The following FSTL4 variants were observed in gnomAD, a reference collection of about 807,000 sequenced individuals.
FSTL4 encodes the protein follistatin like 4.
In FSTL4, 28 loss-of-function variants were observed where a neutral mutation model predicts 78.2. That is an observed-to-expected ratio of 0.36 (90% confidence interval 0.27 to 0.49). The LOEUF is 0.49. Ranked by LOEUF, FSTL4 falls within the 20% of genes least tolerant of loss-of-function variation. FSTL4 has a pLI of 0.98. For synonymous variants in FSTL4, 422 were observed against 440.5 expected, an observed-to-expected ratio of 0.96 and a Z score of 0.53; for missense variants, 922 against 1,084.9, an observed-to-expected ratio of 0.85 and a Z score of 2.11.
chr5:133,337,839 A>G (rs1401640500), intron 4 of FSTL4, among the ~76,000 whole-genome samples: 1 of 152,236 alleles, frequency 6.6e-6, no homozygotes, highest in Non-Finnish European at 1.5e-5. Flanking sequence ...TTAAAAAGTG[A>G]GCCAACTCAG....
chr5:133,322,720 T>C (rs567406480), intron 4 of FSTL4, among the ~76,000 whole-genome samples: 23 of 152,298 alleles, frequency 1.5e-4, no homozygotes, highest in African/African-American at 5.5e-4. Flanking sequence ...CACCTCCAGC[T>C]AGCAGTTCTG....
chr5:133,547,826 A>T (rs1208225091), intron 3 of FSTL4, among the ~76,000 whole-genome samples: 2 of 152,198 alleles, frequency 1.3e-5, no homozygotes, highest in South Asian at 2.1e-4. Flanking sequence ...AAAAATAAAT[A>T]AATTAACCAG....
chr5:133,604,170 T>C (rs1760927935), intron 1 of FSTL4, among the ~76,000 whole-genome samples, 177 bp from the exon 2 acceptor site: 1 of 152,232 alleles, frequency 6.6e-6, no homozygotes. Context: ...TACTTATTTC[T>C]AAAATGGCAA....
the FSTL4 span, among the ~76,000 whole-genome samples, chr5:133,836,394 T>C: frequency 6.6e-6 from 1 of 152,180 alleles, no homozygotes; most frequent in Non-Finnish European, 1.5e-5. Context: ...AAATTAGTAT[T>C]TTGTACTACT....
Position 133,611,509 on chromosome 5 carries a change from T to C in FSTL4, c.-11+816A>G, listed in dbSNP as rs1156702912. Reference sequence around the variant, plus strand: ...TCCTGAAACTCAGAACTCGTCTTTGTTTTGCGGGCGCAAAGAGGGCGGAGA... The same window carrying C: ...TCCTGAAACTCAGAACTCGTCTTTGCTTTGCGGGCGCAAAGAGGGCGGAGA... On this transcript the variant is annotated intron_variant, in intron 1 of 15. Transcript: ENST00000265342. This position sits in a 1 kb window ranked among gnomAD's most constrained non-coding sequence, Gnocchi z 4.9. Among the ~76,000 whole-genome samples the C allele has an allele frequency of 2.0e-5, 3 of 152,180 alleles. No individual in the cohort carries two copies. Among genetic ancestry groups the C allele is most frequent in the Non-Finnish European group, 4.4e-5 (3 of 68,026 alleles).
chr5:133,529,759 A>T, intron 3 of FSTL4, among the ~76,000 whole-genome samples: 1 of 152,208 alleles, frequency 6.6e-6, no homozygotes, highest in East Asian at 1.9e-4. Flanking sequence ...CTCACCCTTC[A>T]GAGTTGCTGG....
chr5:133,814,192 A>T, the FSTL4 span, among the ~76,000 whole-genome samples: 1 of 152,204 alleles, frequency 6.6e-6, no homozygotes, highest in African/African-American at 2.4e-5. Context: ...ACTGAATTTG[A>T]TGCAGTGAGT....
chr5:133,781,367 G>C, the FSTL4 span, among the ~76,000 whole-genome samples: 1 of 608 alleles, frequency 1.6e-3, no homozygotes, highest in Non-Finnish European at 3.4e-3. Flanking sequence ...TTAAGCGGTT[G>C]TGTGTGTGTG....
At chr5:133,763,499 C>G in the FSTL4 span, among the ~76,000 whole-genome samples, 1 of 152,174 alleles carries the variant, frequency 6.6e-6, no homozygotes, top group Non-Finnish European at 1.5e-5. Flanking sequence ...GGTCCCACAG[C>G]CCCTCTGAGC....
At chr5:133,441,737 C>A (rs1438063403) in intron 3 of FSTL4, among the ~76,000 whole-genome samples, 1 of 152,244 alleles carries the variant, frequency 6.6e-6, no homozygotes, top group Non-Finnish European at 1.5e-5. Flanking sequence ...AGAGCCCACT[C>A]CCTCCCACAG....
At chr5:133,518,569 C>G (rs536582896) in intron 3 of FSTL4, among the ~76,000 whole-genome samples, 2 of 152,154 alleles carry the variant, frequency 1.3e-5, no homozygotes, top group African/African-American at 4.8e-5. Context: ...CAGTTTGACA[C>G]TATAGTTCTA....
the FSTL4 span, among the ~76,000 whole-genome samples, chr5:133,655,431 T>C: frequency 6.6e-6 from 1 of 152,172 alleles, no homozygotes; most frequent in African/African-American, 2.4e-5. Flanking sequence ...TTCACAGCAA[T>C]TTTCAAATTG....
chr5:133,311,814 A>G (rs10053556), intron 6 of FSTL4, among the ~76,000 whole-genome samples: 67,776 of 152,020 alleles, frequency 0.45, 19,110 homozygotes, highest in African/African-American at 0.81. Flanking sequence ...GGGTATATGC[A>G]TTGCCCACTT....
In FSTL4 at chr5:133,220,734, G is replaced by T; in HGVS notation, c.1458+14C>A. The T allele has an allele frequency of 7.6e-7, 1 of 1,317,296 alleles. No individual in the cohort carries two copies. Among genetic ancestry groups the T allele is most frequent in the Non-Finnish European group, 1.1e-6 (1 of 908,614 alleles). 81.6% of individuals were successfully genotyped at this position (1,317,296 alleles called of 1,614,324 possible). ...GTGTATGATGTAGAAGCTGCCCCAG[G>T]CACAGTTACTTACATAGCTCATGAA... On this transcript the variant is annotated intron_variant, in intron 12 of 15. Coordinates refer to ENST00000265342, the MANE Select transcript of FSTL4 (RefSeq NM_015082.2).
chr5:133,427,840 A>C (rs1037738964), intron 3 of FSTL4: 19 of 378,144 alleles, frequency 5.0e-5, no homozygotes, highest in Admixed American at 4.5e-4. Flanking sequence ...GCTCCAGAGA[A>C]GTGTGAGGGT....
chr5:133,775,065 A>G, the FSTL4 span, among the ~76,000 whole-genome samples: 1 of 152,216 alleles, frequency 6.6e-6, no homozygotes, highest in East Asian at 1.9e-4. Context: ...TTGCAGAGGA[A>G]ACATATACCT....
chr5:133,747,015 C>T, the FSTL4 span, among the ~76,000 whole-genome samples: 1 of 152,178 alleles, frequency 6.6e-6, no homozygotes, highest in African/African-American at 2.4e-5. Context: ...CTCCTCCTGG[C>T]CACCAGGGGC....
intron 3 of FSTL4, among the ~76,000 whole-genome samples, chr5:133,532,428 G>C (rs756965064): frequency 6.6e-6 from 1 of 152,118 alleles, no homozygotes; most frequent in East Asian, 1.9e-4. Context: ...GATCTGATTG[G>C]GAATAGAAAC....
chr5:133,465,834 C>G (rs1363940016), intron 3 of FSTL4, among the ~76,000 whole-genome samples: 1 of 152,238 alleles, frequency 6.6e-6, no homozygotes, highest in African/African-American at 2.4e-5. Flanking sequence ...AACATGGGCA[C>G]TGAAACCAAC....
Sources: gnomAD v4.1 joint callset for allele counts (sites outside exome capture counted in the v4.1 genomes callset) on GRCh38, gnomAD v4.1.1 for gene constraint, Gnocchi (gnomAD v3.1) non-coding constraint, MANE v1.5 for transcripts, NCBI Gene and HGNC (gene_info 2026-07-23, HGNC 2026-07-21) for gene names.